The following PLA2R1 variants were observed in gnomAD, a reference collection of about 807,000 sequenced individuals.
PLA2R1 encodes the protein phospholipase A2 receptor 1.
In PLA2R1, 158 loss-of-function variants were observed where a neutral mutation model predicts 195.9. The observed-to-expected ratio is 0.81, with a 90% confidence interval of 0.71 to 0.92. The LOEUF (loss-of-function observed/expected upper bound fraction) is 0.92, where lower values mean the gene tolerates loss of function less well. Among genes scored for constraint, PLA2R1 ranks in the 40% least tolerant of loss-of-function variants. PLA2R1 has a pLI of 0.00. For synonymous variants in PLA2R1, 586 were observed against 598.2 expected (o/e 0.98, Z 0.30); for missense variants, 1,626 against 1,764.6 (o/e 0.92, Z 1.41).
chr2:159,978,660 T>C (rs1003119035), intron 14 of PLA2R1, among the ~76,000 whole-genome samples: 2 of 152,194 alleles, frequency 1.3e-5, no homozygotes, highest in Non-Finnish European at 2.9e-5. Flanking sequence ...AGCTGTCTCA[T>C]GTAGTGGCTG....
At chr2:160,025,475 TG>T (rs924497732) in intron 6 of PLA2R1, among the ~76,000 whole-genome samples, 1 of 150,676 alleles carries the variant, frequency 6.6e-6, no homozygotes, top group African/African-American at 2.4e-5. Flanking sequence ...TTTTAACTAT[TG>T]GGGGTAGGGT....
chr2:160,003,320 T>C (rs992974892), intron 11 of PLA2R1, among the ~76,000 whole-genome samples: 4 of 151,990 alleles, frequency 2.6e-5, no homozygotes, highest in African/African-American at 9.7e-5. Flanking sequence ...ATGAAAAATA[T>C]AAACTTTTTT....
intron 14 of PLA2R1, among the ~76,000 whole-genome samples, chr2:159,978,402 A>T (rs1473446574): frequency 6.6e-6 from 1 of 152,224 alleles, no homozygotes. Flanking sequence ...CTGTCACGTA[A>T]TAATTCATCT....
At chr2:159,997,651 C>A (rs981225061) in intron 11 of PLA2R1, among the ~76,000 whole-genome samples, 1 of 152,046 alleles carries the variant, frequency 6.6e-6, no homozygotes, top group Admixed American at 6.6e-5. Flanking sequence ...CTGTGTTGAG[C>A]CTCCAGCAGT....
At chr2:160,003,827 A>G (rs1223705947) in intron 11 of PLA2R1, among the ~76,000 whole-genome samples, 1 of 152,214 alleles carries the variant, frequency 6.6e-6, no homozygotes, top group African/African-American at 2.4e-5. Context: ...ATTTCACCCA[A>G]TGTCCTTCAA....
At chr2:159,961,718 C>T (rs1209449967) in intron 20 of PLA2R1, among the ~76,000 whole-genome samples, 2 of 152,158 alleles carry the variant, frequency 1.3e-5, no homozygotes, top group Non-Finnish European at 2.9e-5. Flanking sequence ...GCTCCACCAT[C>T]ACTGCCACCA....
At chr2:159,998,418 G>C (rs1429652312) in intron 11 of PLA2R1, among the ~76,000 whole-genome samples, 1 of 152,064 alleles carries the variant, frequency 6.6e-6, no homozygotes, top group East Asian at 1.9e-4. Flanking sequence ...CATAGAGCTG[G>C]AATTTGAACT....
Position 160,062,488 on chromosome 2 carries a change from C to G in PLA2R1, c.-85G>C. On this transcript the variant is annotated 5_prime_UTR_variant, in exon 1 of 30. Coordinates refer to ENST00000283243, the MANE Select transcript of PLA2R1 (RefSeq NM_007366.5). ...CAGAGCCGCGTCCCAAGCACCCGGCCCCGCCGCGCGGAAGCGGATCCGTAG... is the reference window on the plus strand; with the variant it reads ...CAGAGCCGCGTCCCAAGCACCCGGCGCCGCCGCGCGGAAGCGGATCCGTAG... 1.4e-6 allele frequency: 2 copies of G among 1,434,536 alleles called. No homozygotes were observed. Among genetic ancestry groups the G allele is most frequent in the East Asian group, 2.9e-5 (1 of 34,194 alleles). 88.9% of individuals were successfully genotyped at this position (1,434,536 alleles called of 1,614,324 possible). A position where few individuals can be genotyped will look rare whatever the true frequency, so the allele number is the denominator to read the frequency against.
intron 11 of PLA2R1, among the ~76,000 whole-genome samples, chr2:159,995,778 G>A (rs993776880): frequency 6.6e-6 from 1 of 150,790 alleles, no homozygotes; most frequent in Non-Finnish European, 1.5e-5. Context: ...GAGAGTTTTA[G>A]GTTGACAGCA....
At chr2:160,032,429 A>G (rs1693912154) in intron 4 of PLA2R1, among the ~76,000 whole-genome samples, 2 of 152,222 alleles carry the variant, frequency 1.3e-5, no homozygotes, top group African/African-American at 4.8e-5. Flanking sequence ...CATAAGTCTT[A>G]GTTTATCGGC....
rs749558476 is a variant in PLA2R1 at position 159,979,803 on chromosome 2, C to T, written c.2268+27G>A. 1.6e-5 allele frequency: 21 copies of T among 1,341,936 alleles called. No individual in the cohort carries two copies. In the South Asian group the frequency reaches 2.5e-4, roughly 16 times the overall value. The allele number at this position is 1,341,936 out of a possible 1,614,324, so 83.1% of individuals were successfully genotyped here. ...CAGGCCCACTTGTTTTGAATCCATC[C>T]CTTTTCTCCAGTTTGAAAAGACTTA... On this transcript the variant is annotated intron_variant, in intron 14 of 29. Transcript: ENST00000283243.
intron 11 of PLA2R1, among the ~76,000 whole-genome samples, chr2:160,000,385 T>C (rs1691511549): frequency 6.6e-6 from 1 of 152,200 alleles, no homozygotes; most frequent in African/African-American, 2.4e-5. Flanking sequence ...ATGCTACCTA[T>C]GTGTTCAAGA....
At position 159,988,851 on chromosome 2, in the gene PLA2R1, G is replaced by T. The variant is rs1690547914; in HGVS notation, c.1835-1493C>A. Among the ~76,000 whole-genome samples, 4 of 152,192 alleles carry T rather than the reference G, an allele frequency of 2.6e-5. No homozygotes were observed. In the East Asian group the frequency reaches 7.7e-4, roughly 29 times the overall value. On this transcript the variant is annotated intron_variant, in intron 11 of 29. Transcript: ENST00000283243. ...GAGGGAAAATGAAGAGTGCAAAGGAGAAGAAAGAAGACAAAGGAAGACATA... is the reference window on the plus strand; with the variant it reads ...GAGGGAAAATGAAGAGTGCAAAGGATAAGAAAGAAGACAAAGGAAGACATA...
At chr2:159,928,957 G>A (rs1686535491), downstream of PLA2R1, among the ~76,000 whole-genome samples, 3 of 152,192 alleles carry the variant, frequency 2.0e-5, no homozygotes, top group African/African-American at 7.2e-5. Context: ...ACATGTAGAA[G>A]AATGAAACTG....
intron 13 of PLA2R1, among the ~76,000 whole-genome samples, chr2:159,980,664 C>A (rs560293400): frequency 1.3e-5 from 2 of 152,068 alleles, no homozygotes; most frequent in Non-Finnish European, 2.9e-5. Flanking sequence ...ATCACCTTCC[C>A]TTCTATGAGG....
At chr2:160,021,664 T>C (rs985370445) in intron 7 of PLA2R1, among the ~76,000 whole-genome samples, 2 of 152,342 alleles carry the variant, frequency 1.3e-5, no homozygotes, top group South Asian at 4.1e-4. Flanking sequence ...AAAAATCACC[T>C]GTTGGGTACA....
chr2:159,967,513 AGGCAACT>A lies in PLA2R1; in HGVS notation c.2904+19_2904+25del. 1.2e-6 allele frequency: 2 copies of A among 1,601,988 alleles called. No individual in the cohort carries two copies. The highest frequency in any genetic ancestry group is 1.7e-6 in the Non-Finnish European group (2 of 1,173,048). The stretch of plus-strand genomic sequence containing the variant: ...ATTAGTGTCTACAAAAGAGAAACAA[AGGCAACT>A]TTTGAAAAACAAGCTTACCTTATAG... On this transcript the variant is annotated intron_variant, in intron 20 of 29. Transcript: ENST00000283243.
Position 160,037,090 on chromosome 2 carries a change from A to G in PLA2R1, c.668-3958T>C, listed in dbSNP as rs115042117. ...AGTTTATCTACAAGTTAGATCTTCA[A>G]TAAATCCACATTTTTCCAATCCCCT... On this transcript the variant is annotated intron_variant, in intron 3 of 29. Coordinates refer to ENST00000283243, the MANE Select transcript of PLA2R1 (RefSeq NM_007366.5). 6.1e-3 allele frequency among the ~76,000 whole-genome samples: 933 copies of G among 152,242 alleles called. 11 individuals carry two copies. The highest frequency in any genetic ancestry group is 0.022 in the African/African-American group (899 of 41,544).
rs189539619 is a variant in PLA2R1 at position 159,940,803 on chromosome 2, T to C, written c.*975A>G. ...TAAACTCATTTACATAATAAAGATATCTAGATTACTAATTTATTTAGTACT... is the reference window on the plus strand; with the variant it reads ...TAAACTCATTTACATAATAAAGATACCTAGATTACTAATTTATTTAGTACT... On this transcript the variant is annotated 3_prime_UTR_variant, in exon 30 of 30. Coordinates refer to ENST00000283243, the MANE Select transcript of PLA2R1 (RefSeq NM_007366.5). 3 of 152,192 alleles carry C rather than the reference T, an allele frequency of 2.0e-5. No individual in the cohort carries two copies. Among genetic ancestry groups the C allele is most frequent in the African/African-American group, 7.2e-5 (3 of 41,454 alleles). The allele number at this position is 152,192 out of a possible 1,614,324, so 9.4% of individuals were successfully genotyped here.
Sources: allele counts gnomAD v4.1 joint callset (sites outside exome capture counted in the v4.1 genomes callset), GRCh38; gene constraint gnomAD v4.1.1; transcripts MANE v1.5; gene names NCBI Gene and HGNC (gene_info 2026-07-23, HGNC 2026-07-21).